TXN: variants seen among roughly 807,000 people sequenced by gnomAD.
TXN encodes ADF.
TXN carries 10 observed loss-of-function variants against 16.5 expected under a neutral mutation model. The observed-to-expected ratio is 0.61, with a 90% confidence interval of 0.37 to 1.03. TXN has a LOEUF of 1.03. TXN is among the 50% of genes least tolerant of loss of function. The pLI, the probability that TXN is intolerant of heterozygous loss-of-function variation, is 0.01. For synonymous variants in TXN, 35 were observed against 39.4 expected (o/e 0.89, Z 0.42); for missense variants, 71 against 122.5 (o/e 0.58, Z 1.98).
intron 1 of TXN, among the ~76,000 whole-genome samples, chr9:110,252,245 A>AAAAAAAAG (rs199937630): frequency 8.1e-5 from 11 of 136,206 alleles, no homozygotes; most frequent in African/African-American, 1.6e-4. Context: ...AAAAAAAAAA[A>AAAAAAAAG]GCTATGACTT....
chr9:110,245,841 G>C (rs1405066644), intron 3 of TXN, among the ~76,000 whole-genome samples: 3 of 150,586 alleles, frequency 2.0e-5, no homozygotes, highest in Non-Finnish European at 4.4e-5. Flanking sequence ...AAGGCCGGTG[G>C]GTCACCTGAG....
At position 110,244,019 on chromosome 9, in the gene TXN, TAA is replaced by T. The variant is rs1177237807; in HGVS notation, c.*136_*137del. 1.1e-5 allele frequency: 4 copies of T among 375,628 alleles called. No individual in the cohort carries two copies. Among genetic ancestry groups the T allele is most frequent in the Non-Finnish European group, 1.9e-5 (4 of 206,674 alleles). The allele number at this position is 375,628 out of a possible 1,614,324, so 23.3% of individuals were successfully genotyped here. On this transcript the variant is annotated 3_prime_UTR_variant, in exon 5 of 5. Transcript: ENST00000374517. ...AAGCTATTCAGACATGAGACGGTTT[TAA>T]AAAGTGTTAGCATTAATGTTTTATT...
chr9:110,251,221 C>T, intron 2 of TXN, 137 bp downstream of exon 2: 1 of 710,980 alleles, frequency 1.4e-6, no homozygotes, highest in South Asian at 1.6e-5. Flanking sequence ...TATACTACTA[C>T]TTTTAGACCA....
chr9:110,245,618 CTATATATATAT>C (rs1367086369), intron 3 of TXN, among the ~76,000 whole-genome samples: 1 of 30,890 alleles, frequency 3.2e-5, no homozygotes, highest in African/African-American at 1.4e-4. Flanking sequence ...CACACACACA[CTATATATATAT>C]ATATATATAT....
intron 3 of TXN, among the ~76,000 whole-genome samples, chr9:110,249,307 TAAA>T (rs71492877): frequency 3.5e-5 from 5 of 143,362 alleles, no homozygotes; most frequent in African/African-American, 1.3e-4. Context: ...ACACTCTTTT[TAAA>T]AAAAAAAAAA....
Position 110,251,354 on chromosome 9 carries a change from T to G in TXN, c.129+4A>C. The G allele has an allele frequency of 6.3e-7, 1 of 1,597,474 alleles. No homozygotes were observed. Among genetic ancestry groups the G allele is most frequent in the East Asian group, 2.2e-5 (1 of 44,736 alleles). ...TTACAAAGCAGACATTGTTTAATAC[T>G]CACATGAAAGAAAGGCTTGATCATT... On this transcript the variant is annotated splice_donor_region_variant and intron_variant, in intron 2 of 4. Transcript: ENST00000374517.
In TXN at chr9:110,245,604, C is replaced by T. The variant is rs529998795; in HGVS notation, c.190-761G>A. The stretch of plus-strand genomic sequence containing the variant: ...TTGTGTGTGTGTGTGTATATATATA[C>T]ACACACACACACACTATATATATAT... On this transcript the variant is annotated intron_variant, in intron 3 of 4. Transcript: ENST00000374517. Among the ~76,000 whole-genome samples, 271 of 49,212 alleles carry T rather than the reference C, an allele frequency of 5.5e-3. 15 individuals carry two copies. The East Asian group carries it at 0.13, about 24-fold the overall frequency. 32.3% of individuals were successfully genotyped at this position (49,212 alleles called of 152,430 possible).
chr9:110,254,263 G>A (rs1837778065), intron 1 of TXN, among the ~76,000 whole-genome samples: 1 of 152,346 alleles, frequency 6.6e-6, no homozygotes, highest in East Asian at 1.9e-4. Flanking sequence ...GTTCACGCCT[G>A]TAATCCTAGC....
At chr9:110,254,912 A>C (rs1462403839) in intron 1 of TXN, among the ~76,000 whole-genome samples, 1 of 152,194 alleles carries the variant, frequency 6.6e-6, no homozygotes, top group East Asian at 1.9e-4. Context: ...CCAGGAATGG[A>C]TTAATAATTT....
chr9:110,254,272 G>C (rs1184426261), intron 1 of TXN, among the ~76,000 whole-genome samples: 1 of 152,218 alleles, frequency 6.6e-6, no homozygotes, highest in Non-Finnish European at 1.5e-5. Context: ...TGTAATCCTA[G>C]CACTTTGGGA....
chr9:110,252,247 C>CAAAAAAAAAAAAAA (rs1837750960), intron 1 of TXN, among the ~76,000 whole-genome samples: 1 of 82,352 alleles, frequency 1.2e-5, no homozygotes, highest in African/African-American at 4.9e-5. Context: ...AAAAAAAAAG[C>CAAAAAAAAAAAAAA]TATGACTTTT....
intron 1 of TXN, among the ~76,000 whole-genome samples, chr9:110,255,855 G>C (rs995236732): frequency 9.8e-5 from 15 of 152,332 alleles, no homozygotes; most frequent in African/African-American, 3.4e-4. Flanking sequence ...CTCCCAAAGG[G>C]AGATCACTAC....
At chr9:110,245,581 G>T (rs1398551092) in intron 3 of TXN, among the ~76,000 whole-genome samples, 45 of 76,012 alleles carry the variant, frequency 5.9e-4, no homozygotes, top group South Asian at 2.2e-3. Context: ...GGCTAATTTT[G>T]TGTGTGTGTG....
At chr9:110,245,633 T>C (rs1445237456) in intron 3 of TXN, among the ~76,000 whole-genome samples, 4 of 23,972 alleles carry the variant, frequency 1.7e-4, no homozygotes, top group Non-Finnish European at 2.3e-4. Context: ...TATATATATA[T>C]ATATATATAT....
At chr9:110,253,233 C>A (rs753083257) in intron 1 of TXN, among the ~76,000 whole-genome samples, 14 of 152,110 alleles carry the variant, frequency 9.2e-5, no homozygotes, top group Non-Finnish European at 1.5e-4. Flanking sequence ...ATTTCTACCT[C>A]GTTTTTGGGA....
At chr9:110,246,450 C>A (rs779811380) in intron 3 of TXN, among the ~76,000 whole-genome samples, 1 of 152,066 alleles carries the variant, frequency 6.6e-6, no homozygotes, top group Non-Finnish European at 1.5e-5. Flanking sequence ...GAGGACAATA[C>A]CACGAAACTG....
At chr9:110,251,331 AC>A in intron 2 of TXN, 26 bp downstream of exon 2, 1 of 1,525,202 alleles carries the variant, frequency 6.6e-7, no homozygotes. Context: ...CAAATCTCTT[AC>A]AAAGCAGACA....
chr9:110,250,119 C>A (rs1223071516), intron 3 of TXN, among the ~76,000 whole-genome samples: 1 of 152,260 alleles, frequency 6.6e-6, no homozygotes, highest in Non-Finnish European at 1.5e-5. Context: ...CAGACCACTT[C>A]ATTTTAAATC....
chr9:110,254,077 A>C (rs1426142089), intron 1 of TXN, among the ~76,000 whole-genome samples: 6 of 152,178 alleles, frequency 3.9e-5, no homozygotes, highest in Non-Finnish European at 7.3e-5. Flanking sequence ...CTTCCTCATC[A>C]CATTTACAGT....
Sources: allele counts gnomAD v4.1 joint callset (sites outside exome capture counted in the v4.1 genomes callset), GRCh38; gene constraint gnomAD v4.1.1; transcripts MANE v1.5; gene names NCBI Gene and HGNC (gene_info 2026-07-23, HGNC 2026-07-21).